HMGB1: variants seen among roughly 807,000 people sequenced by gnomAD.
The protein encoded by HMGB1 is high mobility group box 1, also known as high mobility group protein B1.
For missense variants in HMGB1, 79 were observed against 253.5 expected (o/e 0.31, Z 4.67); for synonymous variants, 81 against 84.0 (o/e 0.96, Z 0.19).
intron 1 of HMGB1, among the ~76,000 whole-genome samples, chr13:30,582,664 A>G (rs1196252013): frequency 6.6e-6 from 1 of 152,076 alleles, no homozygotes; most frequent in East Asian, 1.9e-4. Flanking sequence ...ACCATCCACC[A>G]AAATGGGAAG....
chr13:30,558,391 T>A (rs1029841401), intron 1 of HMGB1, among the ~76,000 whole-genome samples: 1 of 152,222 alleles, frequency 6.6e-6, no homozygotes, highest in African/African-American at 2.4e-5. Flanking sequence ...AGTGTCTATA[T>A]CTTACATCTC....
chr13:30,546,938 A>C (rs569160252), intron 1 of HMGB1, among the ~76,000 whole-genome samples: 1 of 152,208 alleles, frequency 6.6e-6, no homozygotes, highest in African/African-American at 2.4e-5. Flanking sequence ...TGTAGGTTTC[A>C]TGCTGTTAAT....
chr13:30,558,443 C>CA (rs1593311393), intron 1 of HMGB1, among the ~76,000 whole-genome samples: 1 of 151,862 alleles, frequency 6.6e-6, no homozygotes, highest in Admixed American at 6.6e-5. Flanking sequence ...ATTTGCTCAC[C>CA]AAGACCTCAG....
At chr13:30,465,210 C>T (rs1366964108) in intron 1 of HMGB1, 113 of 760,712 alleles carry the variant, frequency 1.5e-4, no homozygotes, top group Non-Finnish European at 1.8e-4. Context: ...GCCGCCGCCG[C>T]GACCGGGCCG....
At chr13:30,555,263 G>A (rs1272552368) in intron 1 of HMGB1, among the ~76,000 whole-genome samples, 8 of 151,880 alleles carry the variant, frequency 5.3e-5, no homozygotes, top group African/African-American at 1.7e-4. Context: ...GGATGGTCTC[G>A]ATCTCCTGAC....
At chr13:30,465,478 A>G (rs1886725200) in intron 1 of HMGB1, among the ~76,000 whole-genome samples, 2 of 144,716 alleles carry the variant, frequency 1.4e-5, no homozygotes, top group Admixed American at 1.4e-4. Flanking sequence ...GGCCCAAAAC[A>G]CGTTCAAAAT....
chr13:30,603,300 T>C (rs538108762), intron 1 of HMGB1, among the ~76,000 whole-genome samples: 1 of 152,302 alleles, frequency 6.6e-6, no homozygotes, highest in Non-Finnish European at 1.5e-5. Context: ...GATTAAGACT[T>C]GTTTCTCTAA....
intron 1 of HMGB1, among the ~76,000 whole-genome samples, chr13:30,522,193 A>G (rs1450924640): frequency 6.7e-6 from 1 of 149,798 alleles, no homozygotes; most frequent in Non-Finnish European, 1.5e-5. Context: ...GCTCACTGCA[A>G]TCTTGAACTC....
At chr13:30,538,486 C>CTTTCTT (rs1555238734) in intron 1 of HMGB1, among the ~76,000 whole-genome samples, 2 of 36,364 alleles carry the variant, frequency 5.5e-5, no homozygotes, top group African/African-American at 1.7e-4. Context: ...TTCTTTCTTT[C>CTTTCTT]TTTCTTTCTT....
chr13:30,539,657 G>T, intron 1 of HMGB1: 1 of 276,788 alleles, frequency 3.6e-6, no homozygotes, highest in Non-Finnish European at 6.6e-6. Context: ...GATTGGTCCT[G>T]GAGTCTTCAT....
intron 1 of HMGB1, among the ~76,000 whole-genome samples, chr13:30,513,677 G>A (rs1026051323): frequency 6.6e-6 from 1 of 152,084 alleles, no homozygotes; most frequent in African/African-American, 2.4e-5. Context: ...CTTTAATTTG[G>A]CCAATGCCAA....
At chr13:30,463,415 T>C (rs1730869116) in intron 2 of HMGB1, 63 bp from the exon 3 acceptor site, 2 of 1,542,096 alleles carry the variant, frequency 1.3e-6, no homozygotes, top group East Asian at 2.2e-5. Flanking sequence ...TCAAAACCAA[T>C]GTCTTTTGCT....
chr13:30,568,160 C>T (rs1870270540), intron 1 of HMGB1, among the ~76,000 whole-genome samples: 1 of 152,036 alleles, frequency 6.6e-6, no homozygotes, highest in African/African-American at 2.4e-5. Flanking sequence ...ATGGTGGTCC[C>T]CCAAAAAGAT....
Position 30,459,491 on chromosome 13 carries a change from A to G in HMGB1, c.*1866T>C, listed in dbSNP as rs1886170744. On this transcript the variant is annotated 3_prime_UTR_variant, in exon 5 of 5. Transcript: ENST00000341423. ...TACAGTAGAAACTTCCATCTAAATC[A>G]GATTGAGTCATTTGCTCCTCTTAAC... 6.6e-6 allele frequency: 1 copy of G among 152,156 alleles called. No homozygotes were observed. Among genetic ancestry groups the G allele is most frequent in the Non-Finnish European group, 1.5e-5 (1 of 68,014 alleles). The allele number at this position is 152,156 out of a possible 1,614,324, so 9.4% of individuals were successfully genotyped here.
chr13:30,556,575 C>T (rs1869701187), intron 1 of HMGB1, among the ~76,000 whole-genome samples: 1 of 151,876 alleles, frequency 6.6e-6, no homozygotes, highest in Non-Finnish European at 1.5e-5. Context: ...TATTATTCAG[C>T]CATAAAAAAG....
intron 1 of HMGB1, among the ~76,000 whole-genome samples, chr13:30,569,751 G>C (rs886790774): frequency 4.6e-5 from 7 of 152,132 alleles, no homozygotes; most frequent in Non-Finnish European, 5.9e-5. Context: ...AAGAGCAGAA[G>C]TATAAGTTAC....
At chr13:30,470,328 T>G (rs1332203959), upstream of HMGB1, among the ~76,000 whole-genome samples, 1 of 152,252 alleles carries the variant, frequency 6.6e-6, no homozygotes, top group Non-Finnish European at 1.5e-5. Flanking sequence ...CTTCTATCTT[T>G]AGATCTAAAA....
At chr13:30,579,819 A>C (rs1421138967) in intron 1 of HMGB1, among the ~76,000 whole-genome samples, 1 of 152,322 alleles carries the variant, frequency 6.6e-6, no homozygotes, top group South Asian at 2.1e-4. Flanking sequence ...ATGTGCTTAC[A>C]TTGATAGTTG....
chr13:30,555,913 G>A (rs1283220827), intron 1 of HMGB1, among the ~76,000 whole-genome samples: 3 of 152,124 alleles, frequency 2.0e-5, no homozygotes. Flanking sequence ...TAATCTGTAT[G>A]GGTCTTACAA....
Sources: allele counts gnomAD v4.1 joint callset (sites outside exome capture counted in the v4.1 genomes callset), GRCh38; gene constraint gnomAD v4.1.1; transcripts MANE v1.5; gene names NCBI Gene and HGNC (gene_info 2026-07-23, HGNC 2026-07-21).